The following DOCK3 variants were observed in gnomAD, a reference collection of about 807,000 sequenced individuals.
DOCK3 encodes the protein dedicator of cytokinesis 3.
DOCK3 carries 60 observed loss-of-function variants against 265.6 expected under a neutral mutation model. That is an observed-to-expected ratio of 0.23 (90% CI 0.18 to 0.28). The LOEUF (loss-of-function observed/expected upper bound fraction) is 0.28. Among genes scored for constraint, DOCK3 ranks in the 10% least tolerant of loss-of-function variants. The pLI, the probability that DOCK3 is intolerant of heterozygous loss-of-function variation, is 1.00. For missense variants in DOCK3, 1,981 were observed against 2,594.3 expected, an observed-to-expected ratio of 0.76 and a Z score of 5.14; for synonymous variants, 881 against 938.0, an observed-to-expected ratio of 0.94 and a Z score of 1.11.
chr3:51,270,356 G>T (rs2108870257), intron 23 of DOCK3, among the ~76,000 whole-genome samples: 1 of 152,330 alleles, frequency 6.6e-6, no homozygotes, highest in East Asian at 1.9e-4. Context: ...ATCACTGGCT[G>T]CAGGGCTGTG....
chr3:50,699,823 T>A (rs2035917916), intron 1 of DOCK3, among the ~76,000 whole-genome samples: 1 of 152,206 alleles, frequency 6.6e-6, no homozygotes, highest in Non-Finnish European at 1.5e-5. Context: ...CTGATCTTGC[T>A]CTATTTTTTC....
rs546003091 is a variant in DOCK3 at position 51,309,356 on chromosome 3, C to T, written c.2923-876C>T. On this transcript the variant is annotated intron_variant, in intron 27 of 52. Transcript: ENST00000266037. ...CGGCACCTCAGGAGGCCGAGGCTGGCGGATCACTTGCGGTTAGGAGCTGGA... is the reference window on the plus strand; with the variant it reads ...CGGCACCTCAGGAGGCCGAGGCTGGTGGATCACTTGCGGTTAGGAGCTGGA... 1.4e-4 allele frequency among the ~76,000 whole-genome samples: 21 copies of T among 152,354 alleles called. 1 individual carries two copies. Among genetic ancestry groups the T allele is most frequent in the Admixed American group, 7.8e-4 (12 of 15,310 alleles).
At chr3:51,088,926 G>A (rs2082531039) in intron 7 of DOCK3, among the ~76,000 whole-genome samples, 2 of 152,186 alleles carry the variant, frequency 1.3e-5, no homozygotes, top group Non-Finnish European at 2.9e-5. Flanking sequence ...TACAGTATAT[G>A]GAGAGGACAG....
At chr3:51,198,687 C>T (rs796533440) in intron 12 of DOCK3, among the ~76,000 whole-genome samples, 2 of 151,380 alleles carry the variant, frequency 1.3e-5, no homozygotes, top group African/African-American at 2.4e-5. Context: ...GCTCTTTATA[C>T]GAATTCAAAC....
chr3:51,017,541 G>A (rs2079401589), intron 5 of DOCK3, among the ~76,000 whole-genome samples: 1 of 151,546 alleles, frequency 6.6e-6, no homozygotes, highest in South Asian at 2.1e-4. Context: ...TATCCAGTAG[G>A]TTTTGGCATG....
At chr3:50,918,570 G>A (rs2050260537) in intron 4 of DOCK3, among the ~76,000 whole-genome samples, 1 of 152,086 alleles carries the variant, frequency 6.6e-6, no homozygotes, top group African/African-American at 2.4e-5. Context: ...TTTGAGAAGT[G>A]TCTGTTCATA....
intron 4 of DOCK3, among the ~76,000 whole-genome samples, chr3:50,919,604 T>C (rs1038181435): frequency 3.3e-5 from 5 of 152,206 alleles, no homozygotes; most frequent in African/African-American, 1.2e-4. Flanking sequence ...TGATTTTGTA[T>C]CCTGAGACTT....
chr3:50,776,016 T>C (rs1215053912), intron 1 of DOCK3, among the ~76,000 whole-genome samples: 1 of 152,208 alleles, frequency 6.6e-6, no homozygotes, highest in Non-Finnish European at 1.5e-5. Context: ...TTCTGTGTCT[T>C]TGCAATTGTG....
intron 5 of DOCK3, among the ~76,000 whole-genome samples, chr3:50,962,308 A>G (rs1211887373): frequency 6.6e-6 from 1 of 152,206 alleles, no homozygotes; most frequent in African/African-American, 2.4e-5. Context: ...TACAATGCAT[A>G]TTGAAGTGAA....
At chr3:51,110,771 T>A (rs1481201218) in intron 9 of DOCK3, among the ~76,000 whole-genome samples, 1 of 152,122 alleles carries the variant, frequency 6.6e-6, no homozygotes, top group Non-Finnish European at 1.5e-5. Context: ...ACTTGAAAAC[T>A]GGCACAAGGA....
chr3:50,703,286 A>T (rs1041682339), intron 1 of DOCK3, among the ~76,000 whole-genome samples: 2 of 152,016 alleles, frequency 1.3e-5, no homozygotes, highest in African/African-American at 4.8e-5. Context: ...TTTATCAAGG[A>T]TGTTGGCCTG....
intron 12 of DOCK3, among the ~76,000 whole-genome samples, chr3:51,185,751 C>T (rs1196597050): frequency 6.6e-6 from 1 of 152,128 alleles, no homozygotes; most frequent in African/African-American, 2.4e-5. Context: ...GAATGGGTCT[C>T]ATGAGATCTG....
intron 20 of DOCK3, 76 bp from the exon 21 acceptor site, chr3:51,237,414 G>GAAGA: frequency 8.0e-7 from 1 of 1,248,020 alleles, no homozygotes; most frequent in Non-Finnish European, 1.1e-6. Flanking sequence ...TTTGGAGAAG[G>GAAGA]AAGACTCTGT....
chr3:50,698,884 A>G (rs916533544), intron 1 of DOCK3, among the ~76,000 whole-genome samples: 4 of 151,918 alleles, frequency 2.6e-5, no homozygotes, highest in East Asian at 3.9e-4. Context: ...GGGGTTCTCT[A>G]TATATTCTAG....
chr3:51,111,888 G>A (rs1012820663), intron 9 of DOCK3, among the ~76,000 whole-genome samples: 4 of 152,014 alleles, frequency 2.6e-5, no homozygotes, highest in African/African-American at 7.2e-5. Context: ...TATAAAGTAG[G>A]CAAAGGACAT....
At chr3:50,982,902 C>T (rs965194495) in intron 5 of DOCK3, among the ~76,000 whole-genome samples, 8 of 152,174 alleles carry the variant, frequency 5.3e-5, no homozygotes, top group South Asian at 2.1e-4. Context: ...GGGAGCCCCA[C>T]TTTCCCAGGT....
At chr3:51,208,290 T>C (rs2089326225) in intron 12 of DOCK3, among the ~76,000 whole-genome samples, 2 of 152,230 alleles carry the variant, frequency 1.3e-5, no homozygotes, top group African/African-American at 4.8e-5. Flanking sequence ...CATAGCTTCA[T>C]GCAAATAGTA....
intron 5 of DOCK3, among the ~76,000 whole-genome samples, chr3:51,009,983 C>T (rs893031434): frequency 2.0e-5 from 3 of 152,166 alleles, no homozygotes; most frequent in Non-Finnish European, 2.9e-5. Flanking sequence ...TTCTGAGAGA[C>T]AGTTTGTTAT....
At chr3:51,310,192 G>T (rs1389065412) in intron 27 of DOCK3, 40 bp from the exon 28 acceptor site, 2 of 1,501,642 alleles carry the variant, frequency 1.3e-6, no homozygotes, top group Admixed American at 3.9e-5. Flanking sequence ...GATGCATATT[G>T]TGGTGGTGGT....
Sources: gnomAD v4.1 joint callset for allele counts (sites outside exome capture counted in the v4.1 genomes callset) on GRCh38, gnomAD v4.1.1 for gene constraint, MANE v1.5 for transcripts, NCBI Gene and HGNC (gene_info 2026-07-23, HGNC 2026-07-21) for gene names.